DDAH1: variants seen among roughly 807,000 people sequenced by gnomAD.
The protein encoded by DDAH1 is dimethylarginine dimethylaminohydrolase 1, also known as N(G),N(G)-dimethylarginine dimethylaminohydrolase 1.
A neutral mutation model predicts 28.8 loss-of-function variants in DDAH1; 19 were observed. The ratio of observed to expected loss-of-function variants is 0.66; its 90% CI spans 0.46 to 0.97. The LOEUF is 0.97. Ranked by LOEUF, DDAH1 falls within the 50% of genes least tolerant of loss-of-function variation. The pLI, the probability that DDAH1 is intolerant of heterozygous loss-of-function variation, is 0.00. For synonymous variants in DDAH1, 153 were observed against 154.4 expected, an observed-to-expected ratio of 0.99 and a Z score of 0.07; for missense variants, 326 against 375.9, an observed-to-expected ratio of 0.87 and a Z score of 1.10.
chr1:85,386,115 C>CAAAGT (rs1281236675), intron 1 of DDAH1, among the ~76,000 whole-genome samples: 1 of 152,144 alleles, frequency 6.6e-6, no homozygotes. Context: ...ACATGATATC[C>CAAAGT]AAAGTATGTA....
intron 1 of DDAH1, among the ~76,000 whole-genome samples, chr1:85,431,520 A>C (rs1188662256): frequency 1.3e-5 from 2 of 151,690 alleles, no homozygotes; most frequent in Non-Finnish European, 2.9e-5. Flanking sequence ...ATAACCAGAA[A>C]ACCTATGGTC....
chr1:85,351,446 G>A, intron 3 of DDAH1, 60 bp downstream of exon 3: 1 of 1,330,632 alleles, frequency 7.5e-7, no homozygotes, highest in South Asian at 1.2e-5. Context: ...TGATTCAATG[G>A]TTCTATGATT....
chr1:85,431,071 T>A (rs576624060), intron 1 of DDAH1, among the ~76,000 whole-genome samples: 1 of 152,320 alleles, frequency 6.6e-6, no homozygotes, highest in South Asian at 2.1e-4. Flanking sequence ...GTTCCATCAA[T>A]ACCTAGTTTA....
At chr1:85,438,150 G>A (rs944047055) in intron 1 of DDAH1, among the ~76,000 whole-genome samples, 1 of 152,136 alleles carries the variant, frequency 6.6e-6, no homozygotes, top group African/African-American at 2.4e-5. Flanking sequence ...GATGCAAAAA[G>A]GGCAACAACA....
intron 1 of DDAH1, among the ~76,000 whole-genome samples, chr1:85,455,316 A>G (rs142267292): frequency 0.01 from 1,586 of 152,306 alleles, 19 homozygotes; most frequent in South Asian, 0.041. Context: ...CTGCACCAAG[A>G]TTAATTCATT....
At chr1:85,455,397 C>A (rs573570904) in intron 1 of DDAH1, among the ~76,000 whole-genome samples, 25 of 152,200 alleles carry the variant, frequency 1.6e-4, no homozygotes, top group African/African-American at 5.5e-4. Context: ...AACATGTGTA[C>A]ACAGCTAATT....
intron 1 of DDAH1, among the ~76,000 whole-genome samples, chr1:85,431,162 G>GTCATTGGT (rs1031259810): frequency 3.9e-5 from 6 of 152,108 alleles, no homozygotes; most frequent in Non-Finnish European, 8.8e-5. Context: ...TGTGGTTTTT[G>GTCATTGGT]TCATTGGTTC....
intron 2 of DDAH1, chr1:85,493,456 T>C (rs2100730755): frequency 6.6e-6 from 1 of 152,298 alleles, no homozygotes; most frequent in South Asian, 2.1e-4. Context: ...TATTGAAGTT[T>C]AGTACTGTAA....
intron 1 of DDAH1, among the ~76,000 whole-genome samples, chr1:85,460,218 G>A (rs1655064768): frequency 6.6e-6 from 1 of 152,130 alleles, no homozygotes; most frequent in African/African-American, 2.4e-5. Context: ...AACATATTTA[G>A]GCTTTTTCCT....
At chr1:85,341,957 T>C (rs1378473048) in intron 4 of DDAH1, among the ~76,000 whole-genome samples, 2 of 152,212 alleles carry the variant, frequency 1.3e-5, no homozygotes, top group Admixed American at 6.5e-5. Flanking sequence ...TTTATAATTA[T>C]ATGGTTGCTA....
intron 1 of DDAH1, among the ~76,000 whole-genome samples, chr1:85,439,201 C>A (rs1217002325): frequency 2.6e-5 from 4 of 152,188 alleles, no homozygotes; most frequent in African/African-American, 9.7e-5. Context: ...AATGTTCCAG[C>A]TTAGGCTGAT....
At chr1:85,360,390 TG>T (rs1649722067) in intron 1 of DDAH1, among the ~76,000 whole-genome samples, 1 of 152,174 alleles carries the variant, frequency 6.6e-6, no homozygotes, top group African/African-American at 2.4e-5. Flanking sequence ...GGTTTTCCTA[TG>T]TAATAGGAAG....
At chr1:85,522,582 T>G (rs1376264172) in intron 1 of DDAH1, among the ~76,000 whole-genome samples, 33 of 152,272 alleles carry the variant, frequency 2.2e-4, no homozygotes, top group Middle Eastern at 3.4e-3. Context: ...TACACATAAT[T>G]TATACAAGTC....
chr1:85,354,883 T>C (rs1458237513), intron 2 of DDAH1, among the ~76,000 whole-genome samples: 1 of 151,474 alleles, frequency 6.6e-6, no homozygotes, highest in Admixed American at 6.6e-5. Context: ...ACTTGAGATG[T>C]AGAAAAAAAG....
At chr1:85,462,359 T>C (rs1655160007) in intron 1 of DDAH1, among the ~76,000 whole-genome samples, 1 of 152,052 alleles carries the variant, frequency 6.6e-6, no homozygotes, top group Non-Finnish European at 1.5e-5. Context: ...CCCTTGAGAA[T>C]TTTAGTCAGA....
chr1:85,376,018 AG>A (rs1650647541), intron 1 of DDAH1, among the ~76,000 whole-genome samples: 2 of 152,190 alleles, frequency 1.3e-5, no homozygotes, highest in African/African-American at 2.4e-5. Flanking sequence ...TGCTATTCAT[AG>A]GAAGTGAGAA....
At chr1:85,438,228 G>A (rs1048252070) in intron 1 of DDAH1, among the ~76,000 whole-genome samples, 1 of 152,098 alleles carries the variant, frequency 6.6e-6, no homozygotes, top group South Asian at 2.1e-4. Flanking sequence ...CTAACTTTAT[G>A]CTCAGTACCT....
chr1:85,407,623 A>G (rs1335315409), intron 1 of DDAH1, among the ~76,000 whole-genome samples: 2 of 152,324 alleles, frequency 1.3e-5, no homozygotes, highest in South Asian at 2.1e-4. Flanking sequence ...TTTAAGCACT[A>G]AAAATAATGG....
intron 1 of DDAH1, among the ~76,000 whole-genome samples, chr1:85,551,107 C>T (rs138118625): frequency 6.6e-6 from 1 of 152,162 alleles, no homozygotes; most frequent in Non-Finnish European, 1.5e-5. Flanking sequence ...TAAAAGGTGA[C>T]CACAGAAGTT....
Sources: allele counts gnomAD v4.1 joint callset (sites outside exome capture counted in the v4.1 genomes callset), GRCh38; gene constraint gnomAD v4.1.1; transcripts MANE v1.5; gene names NCBI Gene and HGNC (gene_info 2026-07-23, HGNC 2026-07-21).